Variants in LRMDA observed in about 807,000 individuals in gnomAD.
LRMDA encodes leucine-rich melanocyte differentiation-associated protein.
LRMDA carries 18 observed loss-of-function variants against 29.8 expected under a neutral mutation model. The observed-to-expected ratio is 0.60, with a 90% CI of 0.42 to 0.90. The LOEUF (loss-of-function observed/expected upper bound fraction) is 0.90. LRMDA is among the 40% of genes least tolerant of loss of function. The pLI is 0.00. For synonymous variants in LRMDA, 125 were observed against 109.4 expected (o/e 1.14, Z -0.89); for missense variants, 273 against 273.9 (o/e 1.00, Z 0.02).
chr10:75,572,137 A>G (rs1840444766), intron 2 of LRMDA, among the ~76,000 whole-genome samples: 1 of 152,082 alleles, frequency 6.6e-6, no homozygotes, highest in East Asian at 1.9e-4. Flanking sequence ...TATTTTTAGT[A>G]GAGACGGGGT....
chr10:76,163,755 T>C (rs1002300622), intron 5 of LRMDA, among the ~76,000 whole-genome samples: 8 of 152,228 alleles, frequency 5.3e-5, no homozygotes, highest in Admixed American at 1.3e-4. Context: ...CAGGAAATTA[T>C]GATTTTGATT....
At chr10:76,056,749 C>T (rs1254515931) in intron 4 of LRMDA, among the ~76,000 whole-genome samples, 1 of 152,218 alleles carries the variant, frequency 6.6e-6, no homozygotes, top group East Asian at 1.9e-4. Context: ...GGAGCAGGCA[C>T]TCCCAAGCCT....
chr10:76,333,767 G>T (rs1441895050), intron 6 of LRMDA, among the ~76,000 whole-genome samples: 1 of 152,334 alleles, frequency 6.6e-6, no homozygotes, highest in East Asian at 1.9e-4. Context: ...GCCTGGAGTG[G>T]CTGGCTGGCT....
intron 2 of LRMDA, among the ~76,000 whole-genome samples, chr10:75,510,252 A>C (rs1163867746): frequency 6.6e-6 from 1 of 152,152 alleles, no homozygotes; most frequent in East Asian, 1.9e-4. Context: ...TGGGCTTTTG[A>C]ATGACAAAAA....
At chr10:75,776,124 A>G (rs574681250) in intron 2 of LRMDA, among the ~76,000 whole-genome samples, 41 of 152,248 alleles carry the variant, frequency 2.7e-4, no homozygotes, top group Non-Finnish European at 4.6e-4. Flanking sequence ...AACTTCCTTT[A>G]TTATTGATCA....
At chr10:75,671,763 G>A (rs1841893923) in intron 2 of LRMDA, among the ~76,000 whole-genome samples, 1 of 152,022 alleles carries the variant, frequency 6.6e-6, no homozygotes, top group Non-Finnish European at 1.5e-5. Flanking sequence ...TTCTGCATAT[G>A]TATCCCAGAA....
intron 5 of LRMDA, among the ~76,000 whole-genome samples, chr10:76,132,846 A>G (rs1326634434): frequency 6.6e-6 from 1 of 151,600 alleles, no homozygotes; most frequent in Non-Finnish European, 1.5e-5. Flanking sequence ...TCTGTTGACC[A>G]GGTTGGAGTG....
At chr10:76,175,949 C>T (rs976922120) in intron 5 of LRMDA, among the ~76,000 whole-genome samples, 5 of 152,128 alleles carry the variant, frequency 3.3e-5, no homozygotes, top group African/African-American at 7.2e-5. Context: ...CACAGCTAGC[C>T]GCTCTGCCTG....
intron 2 of LRMDA, among the ~76,000 whole-genome samples, chr10:75,452,619 C>T (rs536015858): frequency 7.2e-6 from 1 of 138,908 alleles, no homozygotes; most frequent in Non-Finnish European, 1.5e-5. Context: ...CATTGTCAAC[C>T]TTACCACCAC....
At chr10:75,758,436 TATCCCTC>T (rs1387792957) in intron 2 of LRMDA, among the ~76,000 whole-genome samples, 1 of 152,250 alleles carries the variant, frequency 6.6e-6, no homozygotes, top group Admixed American at 6.5e-5. Context: ...AGTGTCATCT[TATCCCTC>T]AGCCCCGGCT....
chr10:76,250,627 T>G (rs922384158), intron 5 of LRMDA, among the ~76,000 whole-genome samples: 2 of 152,208 alleles, frequency 1.3e-5, no homozygotes, highest in African/African-American at 2.4e-5. Flanking sequence ...TTTTCTCCAT[T>G]GGACATTCTT....
chr10:76,228,104 G>C (rs138558254), intron 5 of LRMDA, among the ~76,000 whole-genome samples: 1 of 150,764 alleles, frequency 6.6e-6, no homozygotes, highest in Admixed American at 6.6e-5. Context: ...TCACTGCAAC[G>C]TCCGCCTCCC....
chr10:76,212,268 T>TAA (rs201037683), intron 5 of LRMDA, among the ~76,000 whole-genome samples: 4 of 108,174 alleles, frequency 3.7e-5, no homozygotes, highest in African/African-American at 3.2e-5. Flanking sequence ...CACACACACA[T>TAA]AAAAAAAAAA....
chr10:76,372,772 G>T (rs565858661), intron 6 of LRMDA, among the ~76,000 whole-genome samples: 1 of 152,116 alleles, frequency 6.6e-6, no homozygotes, highest in East Asian at 1.9e-4. Flanking sequence ...TCCTTTGCAG[G>T]TCCTGCTGGG....
intron 5 of LRMDA, among the ~76,000 whole-genome samples, chr10:76,213,308 G>T (rs1851669417): frequency 6.6e-6 from 1 of 152,204 alleles, no homozygotes; most frequent in Non-Finnish European, 1.5e-5. Context: ...ATCAAGTTGT[G>T]AATGGAAGAT....
intron 2 of LRMDA, among the ~76,000 whole-genome samples, chr10:75,991,268 A>G (rs899952420): frequency 6.6e-6 from 1 of 152,194 alleles, no homozygotes; most frequent in Admixed American, 6.5e-5. Context: ...TGGGTATGAA[A>G]TGACCTTAAT....
At chr10:76,145,627 T>G (rs1050640062) in intron 5 of LRMDA, among the ~76,000 whole-genome samples, 1 of 152,174 alleles carries the variant, frequency 6.6e-6, no homozygotes, top group African/African-American at 2.4e-5. Flanking sequence ...TTTGTTGATC[T>G]TTTCGAAAAA....
chr10:75,980,753 A>G (rs1172837576), intron 2 of LRMDA, among the ~76,000 whole-genome samples: 1 of 152,170 alleles, frequency 6.6e-6, no homozygotes, highest in African/African-American at 2.4e-5. Flanking sequence ...CTTCTTACAA[A>G]TTGTACCTCA....
At chr10:75,834,411 T>A (rs1382372314) in intron 2 of LRMDA, among the ~76,000 whole-genome samples, 1 of 152,218 alleles carries the variant, frequency 6.6e-6, no homozygotes, top group African/African-American at 2.4e-5. Context: ...ACACCCTGGC[T>A]TTCTTTCTAG....
Sources: gnomAD v4.1 joint callset for allele counts (sites outside exome capture counted in the v4.1 genomes callset) on GRCh38, gnomAD v4.1.1 for gene constraint, MANE v1.5 for transcripts, NCBI Gene and HGNC (gene_info 2026-07-23, HGNC 2026-07-21) for gene names.